The following FBXO42 variants were observed in gnomAD, a reference collection of about 807,000 sequenced individuals.
The protein encoded by FBXO42 is F-box protein 42, also known as F-box only protein 42.
FBXO42 carries 12 observed loss-of-function variants against 71.7 expected under a neutral mutation model. That is an observed-to-expected ratio of 0.17 (90% CI 0.11 to 0.27). The LOEUF is 0.27. Among genes scored for constraint, FBXO42 ranks in the 10% least tolerant of loss-of-function variants. FBXO42 has a pLI of 1.00. For missense variants in FBXO42, 707 were observed against 911.9 expected, an observed-to-expected ratio of 0.78 and a Z score of 2.89; for synonymous variants, 325 against 327.5, an observed-to-expected ratio of 0.99 and a Z score of 0.08.
chr1:16,333,667 G>A (rs2082524142), intron 1 of FBXO42, among the ~76,000 whole-genome samples: 1 of 152,214 alleles, frequency 6.6e-6, no homozygotes, highest in Middle Eastern at 3.4e-3. Context: ...TCAAGACAAG[G>A]CAAGAGCACT....
At chr1:16,267,465 A>G (rs945582640) in intron 4 of FBXO42, among the ~76,000 whole-genome samples, 1 of 152,164 alleles carries the variant, frequency 6.6e-6, no homozygotes, top group African/African-American at 2.4e-5. Context: ...GACAGGGACT[A>G]TTTCTTATGA....
At chr1:16,349,280 T>G (rs1423674071) in intron 1 of FBXO42, among the ~76,000 whole-genome samples, 1 of 152,186 alleles carries the variant, frequency 6.6e-6, no homozygotes, top group African/African-American at 2.4e-5. Context: ...TTGGATTCAG[T>G]GCACTTCTTA....
chr1:16,259,745 G>A (rs1254773837), intron 4 of FBXO42, among the ~76,000 whole-genome samples: 3 of 134,128 alleles, frequency 2.2e-5, no homozygotes, highest in African/African-American at 6.0e-5. Flanking sequence ...TGGCCTGAGT[G>A]AAAGAGCAAG....
intron 2 of FBXO42, among the ~76,000 whole-genome samples, chr1:16,314,450 T>G (rs1488952606): frequency 6.6e-6 from 1 of 152,190 alleles, no homozygotes. Context: ...TCCGTGTAAA[T>G]AAGTTAACTG....
chr1:16,315,261 T>C lies in FBXO42; in HGVS notation c.158A>G (p.Glu53Gly). The change falls in exon 2 of 10, where the codon GAG becomes GGG. Residue 53 changes from glutamate (E) to glycine (G), a missense_variant. Physicochemically the swap from Glu to Gly is moderately conservative, Grantham distance 98. Transcript: ENST00000375592. The part of the protein sequence containing the change: ...HNRSMSELPE[E>G]VLEYILSFLS... ...AAAGGACAGGATATACTCCAAAACCTCTTCTGGCAGCTCCGACATGGACCT... is the reference window on the plus strand; with the variant it reads ...AAAGGACAGGATATACTCCAAAACCCCTTCTGGCAGCTCCGACATGGACCT... 1 of 1,614,134 alleles carries C rather than the reference T, an allele frequency of 6.2e-7. No individual in the cohort carries two copies. Among genetic ancestry groups the C allele is most frequent in the Non-Finnish European group, 8.5e-7 (1 of 1,180,014 alleles).
Position 16,251,098 on chromosome 1 carries a change from C to T in FBXO42, c.1726G>A (p.Ala576Thr), listed in dbSNP as rs774248796. ...GAAGACCCAAGAGGAGGACTTAGTGCTGCAGAGGCCGAGGGGCCTTTGGAG... is the reference window on the plus strand; with the variant it reads ...GAAGACCCAAGAGGAGGACTTAGTGTTGCAGAGGCCGAGGGGCCTTTGGAG... ...MSSKGPSASA[A>T]LSPPLGSSPG... Residue 576 changes from alanine (A) to threonine (T), a missense_variant, in exon 10 of 10, where the codon GCA (alanine) becomes ACA (threonine). By Grantham distance (58) the Ala-to-Thr change is moderately conservative. Coordinates refer to ENST00000375592, the MANE Select transcript of FBXO42 (RefSeq NM_018994.3). This position sits in a 1 kb window ranked among gnomAD's most constrained non-coding sequence, Gnocchi z 4.5. The T allele has an allele frequency of 6.2e-7, 1 of 1,614,188 alleles. No homozygotes were observed. Among genetic ancestry groups the T allele is most frequent in the South Asian group, 1.1e-5 (1 of 91,086 alleles).
chr1:16,255,794 C>T lies in FBXO42; in HGVS notation c.684G>A (p.Gly228=), dbSNP rs2081636922. The change falls in exon 6 of 10, where the codon GGG becomes GGA. Residue 228 remains glycine (G), a synonymous_variant. Transcript: ENST00000375592. Reference sequence around the variant, plus strand: ...AGGAGTGGCCAGCCATGGGAGGTGGCCCATGGGTTGTCACAATGCAGTTCC... The same window carrying T: ...AGGAGTGGCCAGCCATGGGAGGTGGTCCATGGGTTGTCACAATGCAGTTCC... ...NWWNCIVTTH[G]PPPMAGHSSC... 1 of 1,613,830 alleles carries T rather than the reference C, an allele frequency of 6.2e-7. No homozygotes were observed.
In FBXO42 at chr1:16,283,506, T is replaced by TG. The variant is rs1330763173; in HGVS notation, c.502+11276_502+11277insC. 7.9e-4 allele frequency among the ~76,000 whole-genome samples: 107 copies of TG among 135,900 alleles called. 1 individual carries two copies. Among genetic ancestry groups the TG allele is most frequent in the South Asian group, 7.5e-4 (3 of 4,016 alleles). 89.2% of individuals were successfully genotyped at this position (135,900 alleles called of 152,430 possible). On this transcript the variant is annotated intron_variant, in intron 4 of 9. Transcript: ENST00000375592. ...CTAACTGTGGCAAGTTTTTTTTTTT[T>TG]TTTTTTTTTTTGAGACAGTCTCGCT...
chr1:16,274,048 A>G (rs1028303065), intron 4 of FBXO42, among the ~76,000 whole-genome samples: 1 of 152,200 alleles, frequency 6.6e-6, no homozygotes, highest in Non-Finnish European at 1.5e-5. Flanking sequence ...ACGAAGTTCA[A>G]GAACACAGAA....
intron 4 of FBXO42, among the ~76,000 whole-genome samples, chr1:16,276,392 A>G (rs558049379): frequency 2.5e-4 from 38 of 151,538 alleles, no homozygotes; most frequent in East Asian, 7.7e-4. Flanking sequence ...AAAAAAAAAA[A>G]AAAAGAAAAG....
At chr1:16,265,830 G>T (rs2081765803) in intron 4 of FBXO42, among the ~76,000 whole-genome samples, 1 of 151,532 alleles carries the variant, frequency 6.6e-6, no homozygotes, top group Non-Finnish European at 1.5e-5. Flanking sequence ...GCTCTATATG[G>T]CTCACAAAGC....
chr1:16,323,621 A>AC (rs1056653283), intron 1 of FBXO42, among the ~76,000 whole-genome samples: 2 of 148,242 alleles, frequency 1.3e-5, no homozygotes, highest in African/African-American at 2.5e-5. Flanking sequence ...ATATGGTGAG[A>AC]CCCCTACTAA....
chr1:16,282,052 G>A (rs934831265), intron 4 of FBXO42, among the ~76,000 whole-genome samples: 3 of 151,780 alleles, frequency 2.0e-5, no homozygotes, highest in Admixed American at 1.3e-4. Context: ...TGGCTATGTT[G>A]CTTCCTAATG....
chr1:16,264,137 G>T (rs35314548), intron 4 of FBXO42, among the ~76,000 whole-genome samples: 1 of 152,146 alleles, frequency 6.6e-6, no homozygotes, highest in African/African-American at 2.4e-5. Context: ...TGGAGTAGCC[G>T]TAGATAAAAT....
chr1:16,279,980 G>A (rs1184532588), intron 4 of FBXO42, among the ~76,000 whole-genome samples: 2 of 151,806 alleles, frequency 1.3e-5, no homozygotes, highest in East Asian at 3.9e-4. Context: ...CTGGGTAGCT[G>A]GGATTACAGG....
intron 2 of FBXO42, 133 bp downstream of exon 2, chr1:16,315,036 C>T (rs1314220919): frequency 8.8e-6 from 8 of 906,886 alleles, no homozygotes; most frequent in African/African-American, 3.4e-5. Context: ...GAAAGAAAAC[C>T]GGGTAGTATC....
chr1:16,281,701 C>T (rs2081965973), intron 4 of FBXO42, among the ~76,000 whole-genome samples: 1 of 150,984 alleles, frequency 6.6e-6, no homozygotes, highest in Non-Finnish European at 1.5e-5. Context: ...CTCTGCTGCC[C>T]AGGCTGGAGT....
At chr1:16,255,940 A>C in intron 5 of FBXO42, 119 bp from the exon 6 acceptor site, 1 of 710,554 alleles carries the variant, frequency 1.4e-6, no homozygotes. Flanking sequence ...ATTTGTTGGG[A>C]TAATAAGTAG....
At chr1:16,288,382 A>G (rs981567818) in intron 4 of FBXO42, among the ~76,000 whole-genome samples, 4 of 152,000 alleles carry the variant, frequency 2.6e-5, no homozygotes, top group Non-Finnish European at 5.9e-5. Context: ...ATGAGCCCAG[A>G]TCGCACCACT....
Sources: allele counts gnomAD v4.1 joint callset (sites outside exome capture counted in the v4.1 genomes callset), GRCh38; gene constraint gnomAD v4.1.1; non-coding constraint Gnocchi (gnomAD v3.1); transcripts MANE v1.5; gene names NCBI Gene and HGNC (gene_info 2026-07-23, HGNC 2026-07-21).